Variants in TDRD12 observed in about 807,000 individuals in gnomAD.
TDRD12 encodes the protein tudor domain containing 12.
Under a neutral mutation model 133.5 loss-of-function variants are expected in TDRD12, and 158 were observed. The observed-to-expected ratio is 1.18, with a 90% CI of 1.04 to 1.35. The LOEUF is 1.35. Among genes scored for constraint, TDRD12 ranks in the 40% most tolerant of loss-of-function variants. The pLI, the probability that TDRD12 is intolerant of heterozygous loss-of-function variation, is 0.00. For synonymous variants in TDRD12, 460 were observed against 477.9 expected (o/e 0.96, Z 0.49); for missense variants, 1,443 against 1,321.3 (o/e 1.09, Z -1.43).
At chr19:32,765,690 G>A (rs1455020170) in intron 8 of TDRD12, among the ~76,000 whole-genome samples, 2 of 151,064 alleles carry the variant, frequency 1.3e-5, no homozygotes, top group African/African-American at 4.9e-5. Flanking sequence ...GTGAACAATG[G>A]GAACACTTGG....
intron 3 of TDRD12, 44 bp downstream of exon 3, chr19:32,739,036 A>T (rs1172310902): frequency 6.5e-7 from 1 of 1,546,414 alleles, no homozygotes; most frequent in African/African-American, 1.4e-5. Context: ...TCAGAGACAA[A>T]TGTCAGTTTC....
chr19:32,811,079 T>C, intron 23 of TDRD12, 131 bp from the exon 24 acceptor site: 4 of 690,986 alleles, frequency 5.8e-6, no homozygotes, highest in Non-Finnish European at 9.4e-6. Context: ...CCTTAGTTTT[T>C]TATTTCTAGT....
At chr19:32,827,089 G>T in intron 9 of TDRD12, 75 bp from the exon 33 acceptor site, 1 of 815,002 alleles carries the variant, frequency 1.2e-6, no homozygotes, top group South Asian at 6.5e-5. Context: ...TTTCTGCATT[G>T]ACCCAAATAA....
chr19:32,789,633 CGTGCATGGA>C (rs1346422757), intron 11 of TDRD12, among the ~76,000 whole-genome samples: 1 of 152,192 alleles, frequency 6.6e-6, no homozygotes, highest in East Asian at 1.9e-4. Context: ...TATTCCATTG[CGTGCATGGA>C]GTGCATTTCA....
chr19:32,797,794 G>T (rs1473477401), exon 15 of TDRD12: 8 of 701,734 alleles, frequency 1.1e-5, no homozygotes, highest in Non-Finnish European at 1.8e-5. Context: ...TTGAATTATT[G>T]GGAGAATATA....
chr19:32,753,670 ATTT>A (rs61178379), intron 6 of TDRD12, among the ~76,000 whole-genome samples: 31,876 of 130,272 alleles, frequency 0.24, 3,565 homozygotes, highest in Middle Eastern at 0.3. Context: ...CACCTGGCTA[ATTT>A]TTTTTTTTTT....
At chr19:32,829,489 G>GTCTCTATGCT, downstream of TDRD12, 1 of 152,246 alleles carries the variant, frequency 6.6e-6, no homozygotes. Flanking sequence ...AAGTGCCTTT[G>GTCTCTATGCT]TCTCTATGCT....
rs957205988 is a variant in TDRD12, at chr19:32,772,636, A to G, written c.866-117A>G. On this transcript the variant is annotated intron_variant, in intron 8 of 27. Coordinates refer to ENST00000444215, the Ensembl canonical transcript of TDRD12. ...TTACTACAAATTCATATTCCATAAA[A>G]ATTTAACATATTAAGATTTTATAAT... 4 of 617,552 alleles carry G rather than the reference A, an allele frequency of 6.5e-6. No homozygotes were observed. The Admixed American group carries it at 1.2e-4, about 18-fold the overall frequency. 38.3% of individuals were successfully genotyped at this position (617,552 alleles called of 1,614,324 possible).
intron 10 of TDRD12, 71 bp downstream of exon 10, chr19:32,773,603 T>TGG: frequency 7.2e-7 from 1 of 1,393,496 alleles, no homozygotes. Context: ...GAGGCTGAGC[T>TGG]GGGGGGATCG....
At chr19:32,763,393 C>CA (rs1970205673) in intron 8 of TDRD12, among the ~76,000 whole-genome samples, 1 of 152,160 alleles carries the variant, frequency 6.6e-6, no homozygotes, top group African/African-American at 2.4e-5. Context: ...CAGCATCCCT[C>CA]ACCTCTCACC....
chr19:32,748,460 C>G lies in TDRD12; in HGVS notation c.441-16C>G, dbSNP rs1177989829. ...AGATTTTTATGTAATGGAGTTGCAT[C>G]TGTTCACTGTTCCAGACCTGCCAAG... On this transcript the variant is annotated splice_polypyrimidine_tract_variant and intron_variant, in intron 4 of 27. Coordinates refer to ENST00000444215, the Ensembl canonical transcript of TDRD12. 16 of 1,549,468 alleles carry G rather than the reference C, an allele frequency of 1.0e-5. No individual in the cohort carries two copies. Among genetic ancestry groups the G allele is most frequent in the Non-Finnish European group, 1.4e-5 (16 of 1,146,118 alleles).
intron 2 of TDRD12, among the ~76,000 whole-genome samples, 155 bp downstream of exon 2, chr19:32,732,038 C>G (rs1319243693): frequency 3.3e-5 from 5 of 151,994 alleles, no homozygotes; most frequent in Non-Finnish European, 7.4e-5. Flanking sequence ...GAGTCTCGCT[C>G]TGTCACATAG....
At chr19:32,762,801 A>G (rs10445597) in intron 8 of TDRD12, among the ~76,000 whole-genome samples, 38,023 of 152,120 alleles carry the variant, frequency 0.25, 5,104 homozygotes, top group Middle Eastern at 0.33. Flanking sequence ...CTGATGGACT[A>G]TGTTCTGAGA....
chr19:32,807,623 C>T (rs1221203424), exon 22 of TDRD12: 1 of 1,535,368 alleles, frequency 6.5e-7, no homozygotes, highest in African/African-American at 1.4e-5. Flanking sequence ...TCCAGCCAAG[C>T]CCTACCTTCA....
intron 21 of TDRD12, among the ~76,000 whole-genome samples, chr19:32,806,345 T>TTTG (rs943157672): frequency 7.9e-5 from 12 of 151,452 alleles, no homozygotes; most frequent in African/African-American, 2.7e-4. Context: ...GAGTTTTTTT[T>TTTG]TTTTTTTTTT....
chr19:32,748,448 A>G, intron 4 of TDRD12, 28 bp from the exon 5 acceptor site: 1 of 1,547,220 alleles, frequency 6.5e-7, no homozygotes, highest in South Asian at 1.2e-5. Context: ...TTTTTATGTA[A>G]TGGAGTTGCA....
exon 7 of TDRD12, chr19:32,756,114 T>C (rs991907749): frequency 6.8e-6 from 10 of 1,480,508 alleles, no homozygotes; most frequent in Non-Finnish European, 8.0e-6. Flanking sequence ...CCTCCTTCAA[T>C]AAACTCAATC....
chr19:32,745,643 A>C (rs1303138984), intron 4 of TDRD12, among the ~76,000 whole-genome samples: 4 of 150,804 alleles, frequency 2.7e-5, no homozygotes, highest in African/African-American at 9.8e-5. Context: ...GAGAGAGAGA[A>C]TGGCTGATGT....
exon 24 of TDRD12, chr19:32,811,350 C>G (rs1966998194): frequency 6.5e-7 from 1 of 1,536,144 alleles, no homozygotes; most frequent in Non-Finnish European, 8.7e-7. Flanking sequence ...CACACACTTC[C>G]CCCGCAGGCT....
Sources: gnomAD v4.1 joint callset for allele counts (sites outside exome capture counted in the v4.1 genomes callset) on GRCh38, gnomAD v4.1.1 for gene constraint, MANE v1.5 for transcripts, NCBI Gene and HGNC (gene_info 2026-07-23, HGNC 2026-07-21) for gene names.